Variants in FILIP1 observed in about 807,000 individuals in gnomAD.
FILIP1 encodes the protein filamin A interacting protein 1.
FILIP1 carries 61 observed loss-of-function variants against 102.1 expected under a neutral mutation model. The ratio of observed to expected loss-of-function variants is 0.60; its 90% CI spans 0.49 to 0.74. The LOEUF (loss-of-function observed/expected upper bound fraction) is 0.74, where lower values mean the gene tolerates loss of function less well. Ranked by LOEUF, FILIP1 falls within the 30% of genes least tolerant of loss-of-function variation. The pLI is 0.00. For synonymous variants in FILIP1, 491 were observed against 526.9 expected (o/e 0.93, Z 0.93); for missense variants, 1,314 against 1,441.2 (o/e 0.91, Z 1.43).
chr6:75,478,109 A>G (rs1779539957), intron 1 of FILIP1, among the ~76,000 whole-genome samples: 1 of 152,222 alleles, frequency 6.6e-6, no homozygotes, highest in African/African-American at 2.4e-5. Flanking sequence ...TATGAAAACA[A>G]AAGGACAACT....
intron 4 of FILIP1, among the ~76,000 whole-genome samples, chr6:75,322,698 T>A (rs1172784799): frequency 6.6e-6 from 1 of 152,202 alleles, no homozygotes; most frequent in Non-Finnish European, 1.5e-5. Flanking sequence ...CTGAATAAAA[T>A]TATACTTTTT....
intron 2 of FILIP1, among the ~76,000 whole-genome samples, chr6:75,409,045 T>C (rs1021095112): frequency 1.3e-5 from 2 of 152,200 alleles, no homozygotes; most frequent in Non-Finnish European, 2.9e-5. Flanking sequence ...AAATTTCTCT[T>C]ACCTAAAAAG....
At chr6:75,351,071 CT>C (rs922047738) in intron 4 of FILIP1, among the ~76,000 whole-genome samples, 50 of 147,656 alleles carry the variant, frequency 3.4e-4, no homozygotes, top group South Asian at 4.3e-4. Flanking sequence ...TCAGAGAGTA[CT>C]TTTTTTTTTT....
intron 2 of FILIP1, among the ~76,000 whole-genome samples, chr6:75,411,685 T>C (rs1289766200): frequency 6.6e-6 from 1 of 152,184 alleles, no homozygotes; most frequent in Admixed American, 6.5e-5. Flanking sequence ...CCTTTCCCCA[T>C]TGCTTGTTTT....
intron 2 of FILIP1, chr6:75,398,783 T>C (rs1776549236): frequency 6.6e-6 from 1 of 152,316 alleles, no homozygotes; most frequent in South Asian, 2.1e-4. Flanking sequence ...TTAATAACTA[T>C]CTTTTAAAAA....
intron 3 of FILIP1, among the ~76,000 whole-genome samples, chr6:75,361,388 T>C (rs2149611309): frequency 6.6e-6 from 1 of 152,260 alleles, no homozygotes; most frequent in Admixed American, 6.5e-5. Flanking sequence ...CATCCCAAGC[T>C]CTAGCCTTGG....
chr6:75,407,152 T>A lies in FILIP1; in HGVS notation c.276+7545A>T, dbSNP rs76820248. Among the ~76,000 whole-genome samples, 1,228 of 152,304 alleles carry A rather than the reference T, an allele frequency of 8.1e-3. 17 individuals carry two copies. Among genetic ancestry groups the A allele is most frequent in the South Asian group, 0.073 (351 of 4,824 alleles). On this transcript the variant is annotated intron_variant, in intron 2 of 5. Coordinates refer to ENST00000237172, the MANE Select transcript of FILIP1 (RefSeq NM_015687.5). ...AAAATGGCTGGGAACCCCAAAAGAA[T>A]GTGTTTATGAGTTAAGAAGTTACAG...
intron 1 of FILIP1, among the ~76,000 whole-genome samples, chr6:75,420,544 A>G (rs1467345710): frequency 6.6e-6 from 1 of 151,970 alleles, no homozygotes; most frequent in East Asian, 1.9e-4. Flanking sequence ...AAGATCCTCC[A>G]CTTTCCAAAA....
intron 1 of FILIP1, among the ~76,000 whole-genome samples, chr6:75,450,349 T>A (rs1161012518): frequency 6.6e-6 from 1 of 152,090 alleles, no homozygotes; most frequent in Non-Finnish European, 1.5e-5. Context: ...ACCAATAAAT[T>A]ATTTTAGAAT....
At position 75,308,719 on chromosome 6, in the gene FILIP1, G is replaced by T. The variant is rs1773070403; in HGVS notation, c.3614C>A (p.Thr1205Asn). ...GCCCTTCCCCCCTCCGAGAGAGGTGGTGCTGCTGGCTGCAGATTTCTTCAG... is the reference window on the plus strand; with the variant it reads ...GCCCTTCCCCCCTCCGAGAGAGGTGTTGCTGCTGGCTGCAGATTTCTTCAG... ...IELKKSAASS[T>N]TSLGGGKG Residue 1205 changes from threonine (T) to asparagine (N), a missense_variant, in exon 6 of 6, where the codon ACC becomes AAC. Coordinates refer to ENST00000237172, the MANE Select transcript of FILIP1 (RefSeq NM_015687.5). 1 of 1,613,244 alleles carries T rather than the reference G, an allele frequency of 6.2e-7. No homozygotes were observed. The highest frequency in any genetic ancestry group is 1.7e-5 in the Admixed American group (1 of 59,990).
intron 1 of FILIP1, among the ~76,000 whole-genome samples, chr6:75,438,482 C>T (rs1778097170): frequency 6.6e-6 from 1 of 152,156 alleles, no homozygotes; most frequent in African/African-American, 2.4e-5. Flanking sequence ...CATATTATAG[C>T]TTTGGTGTAA....
chr6:75,423,390 A>AT (rs1318117158), intron 1 of FILIP1, among the ~76,000 whole-genome samples: 1 of 152,064 alleles, frequency 6.6e-6, no homozygotes, highest in Non-Finnish European at 1.5e-5. Flanking sequence ...CAAAAAGTGG[A>AT]TTTTATACGA....
chr6:75,371,130 A>T (rs1227349144), intron 2 of FILIP1, among the ~76,000 whole-genome samples: 1 of 152,206 alleles, frequency 6.6e-6, no homozygotes, highest in Non-Finnish European at 1.5e-5. Flanking sequence ...GAATTTTAGA[A>T]ATCAAAGTTA....
Position 75,414,981 on chromosome 6 carries a change from A to C in FILIP1, c.-6-3T>G. On this transcript the variant is annotated splice_polypyrimidine_tract_variant and splice_region_variant and intron_variant, in intron 1 of 5. Coordinates refer to ENST00000237172, the MANE Select transcript of FILIP1 (RefSeq NM_015687.5). ...TGGTTTCGAGATCTCATTCCCACCT[A>C]CAACACATACATAAAAAAAGATAAG... 1 of 1,605,120 alleles carries C rather than the reference A, an allele frequency of 6.2e-7. No individual in the cohort carries two copies. Among genetic ancestry groups the C allele is most frequent in the Non-Finnish European group, 8.5e-7 (1 of 1,175,988 alleles).
At chr6:75,481,278 C>T (rs112186750) in intron 1 of FILIP1, among the ~76,000 whole-genome samples, 39 of 152,288 alleles carry the variant, frequency 2.6e-4, no homozygotes, top group African/African-American at 8.9e-4. Context: ...ATCCCTAGCT[C>T]GGTGCCTGAA....
chr6:75,439,687 G>A (rs760097566), intron 1 of FILIP1, among the ~76,000 whole-genome samples: 23 of 152,238 alleles, frequency 1.5e-4, no homozygotes, highest in Non-Finnish European at 3.2e-4. Context: ...CAGCCTTTGA[G>A]GAGAATGTCC....
rs1026473998 is a variant in FILIP1, at chr6:75,485,199, C to T, written c.-7+8215G>A. On this transcript the variant is annotated intron_variant, in intron 1 of 5. Transcript: ENST00000237172. ...TTATGTCAAGAAAACAGACAGCCTT[C>T]GTGAAATGTAACACATCTCTGCCTT... Among the ~76,000 whole-genome samples, 4 of 152,252 alleles carry T rather than the reference C, an allele frequency of 2.6e-5. No homozygotes were observed. The East Asian group carries it at 7.7e-4, about 29-fold the overall frequency.
At chr6:75,297,501 G>T (rs1036207316) in intron 6 of FILIP1, among the ~76,000 whole-genome samples, 1 of 152,084 alleles carries the variant, frequency 6.6e-6, no homozygotes, top group Non-Finnish European at 1.5e-5. Flanking sequence ...ATTTAGCTAT[G>T]AAGGTTTTCT....
chr6:75,460,780 A>G (rs1778999287), intron 1 of FILIP1, among the ~76,000 whole-genome samples: 2 of 152,182 alleles, frequency 1.3e-5, no homozygotes, highest in Non-Finnish European at 2.9e-5. Flanking sequence ...AAAAGACTGT[A>G]AAAGACTGAG....
Sources: allele counts gnomAD v4.1 joint callset (sites outside exome capture counted in the v4.1 genomes callset), GRCh38; gene constraint gnomAD v4.1.1; transcripts MANE v1.5; gene names NCBI Gene and HGNC (gene_info 2026-07-23, HGNC 2026-07-21).